The following EDARADD variants were observed in gnomAD, a reference collection of about 807,000 sequenced individuals.
EDARADD encodes the protein ectodysplasin-A receptor-associated adapter protein.
Under a neutral mutation model 25.6 loss-of-function variants are expected in EDARADD, and 20 were observed. That is an observed-to-expected ratio of 0.78 (90% CI 0.55 to 1.14). EDARADD has a LOEUF of 1.14. Ranked by LOEUF, EDARADD falls within the 50% of genes most tolerant of loss-of-function variation. EDARADD has a pLI of 0.00. For synonymous variants in EDARADD, 86 were observed against 94.4 expected, an observed-to-expected ratio of 0.91 and a Z score of 0.52; for missense variants, 225 against 270.1, an observed-to-expected ratio of 0.83 and a Z score of 1.17.
intron 1 of EDARADD, among the ~76,000 whole-genome samples, chr1:236,407,252 C>T (rs1411947106): frequency 3.3e-5 from 5 of 152,136 alleles, no homozygotes; most frequent in African/African-American, 9.7e-5. Context: ...GGTGCTGGGC[C>T]GCGGTCCCCG....
intron 3 of EDARADD, among the ~76,000 whole-genome samples, chr1:236,415,670 C>T (rs547909818): frequency 4.6e-5 from 7 of 152,284 alleles, no homozygotes; most frequent in African/African-American, 1.7e-4. Flanking sequence ...GTCTTGAACT[C>T]CTGACCTCAG....
chr1:236,484,649 A>C lies in EDARADD; in HGVS notation c.*2000A>C. 1 of 462,240 alleles carries C rather than the reference A, an allele frequency of 2.2e-6. No individual in the cohort carries two copies. Among genetic ancestry groups the C allele is most frequent in the East Asian group, 4.3e-5 (1 of 23,178 alleles). The allele number at this position is 462,240 out of a possible 1,614,324, so 28.6% of individuals were successfully genotyped here. Reference sequence around the variant, plus strand: ...TAGAACTTCTACAGAAGCAGGTTGCAGTGAGCCGAGATTGCGCCACTGCAC... The same window carrying C: ...TAGAACTTCTACAGAAGCAGGTTGCCGTGAGCCGAGATTGCGCCACTGCAC... On this transcript the variant is annotated 3_prime_UTR_variant, in exon 6 of 6. Coordinates refer to ENST00000334232, the MANE Select transcript of EDARADD (RefSeq NM_145861.4). The surrounding 1 kb of genome is among the most constrained non-coding windows in gnomAD (Gnocchi z 4.1).
intron 3 of EDARADD, among the ~76,000 whole-genome samples, chr1:236,356,506 G>A (rs1666977178): frequency 6.6e-6 from 1 of 152,144 alleles, no homozygotes; most frequent in Non-Finnish European, 1.5e-5. Flanking sequence ...GGACCTTTCT[G>A]CAAGGGGCCT....
intron 3 of EDARADD, among the ~76,000 whole-genome samples, chr1:236,353,653 G>A (rs1666943771): frequency 7.0e-6 from 1 of 143,184 alleles, no homozygotes; most frequent in South Asian, 2.2e-4. Flanking sequence ...ACTTCAGCCT[G>A]GGCAACAGAG....
At position 236,360,164 on chromosome 1, in the gene EDARADD, A is replaced by T. The variant is rs555591463; in HGVS notation, c.-6+9325A>T. Among the ~76,000 whole-genome samples the T allele has an allele frequency of 1.4e-4, 21 of 151,694 alleles. 1 individual carries two copies. Among genetic ancestry groups the T allele is most frequent in the East Asian group, 1.4e-3 (7 of 5,156 alleles). On this transcript the variant is annotated intron_variant, in intron 3 of 7. Coordinates refer to the EDARADD transcript ENST00000439430. ...AGCTTGTCTCTAAAAAAGAAAAATT[A>T]AAAAAAAATTAGTTAGATGTGGTGG... is the stretch of plus-strand genomic sequence containing the variant.
At chr1:236,404,653 ATTAGCTGGGCATGGT>A (rs1329507548) in intron 1 of EDARADD, among the ~76,000 whole-genome samples, 5 of 152,156 alleles carry the variant, frequency 3.3e-5, no homozygotes, top group Non-Finnish European at 5.9e-5. Flanking sequence ...TCCCCCATAC[ATTAGCTGGGCATGGT>A]GACGCATGTC....
intron 3 of EDARADD, among the ~76,000 whole-genome samples, chr1:236,371,711 A>G (rs1667173275): frequency 6.6e-6 from 1 of 151,674 alleles, no homozygotes; most frequent in African/African-American, 2.4e-5. Context: ...CTGGGATTAC[A>G]GGAGCCTGCC....
chr1:236,483,470 T>A lies in EDARADD; in HGVS notation c.*821T>A. The A allele has an allele frequency of 9.7e-7, 1 of 1,035,164 alleles. No individual in the cohort carries two copies. The highest frequency in any genetic ancestry group is 1.5e-6 in the Non-Finnish European group (1 of 654,728). The allele number at this position is 1,035,164 out of a possible 1,614,324, so 64.1% of individuals were successfully genotyped here. ...TGATAGAGATGGATGGAACAGAAAA[T>A]AAATCTAAATTTGGTGCAAATGCCA... On this transcript the variant is annotated 3_prime_UTR_variant, in exon 6 of 6. Coordinates refer to ENST00000334232, the MANE Select transcript of EDARADD (RefSeq NM_145861.4).
In EDARADD at chr1:236,379,820, G is replaced by A. The variant is rs116055268; in HGVS notation, c.-6+28981G>A. 4.6e-3 allele frequency among the ~76,000 whole-genome samples: 701 copies of A among 152,246 alleles called. 5 individuals carry two copies. Among genetic ancestry groups the A allele is most frequent in the African/African-American group, 0.016 (669 of 41,546 alleles). ...AAAATTAAAAAATTAAAAATTGAAT[G>A]CAAATTCTTAATGATCACAAGAGAA... On this transcript the variant is annotated intron_variant, in intron 3 of 7. Transcript: ENST00000439430.
At chr1:236,383,261 G>A (rs897582608) in intron 3 of EDARADD, among the ~76,000 whole-genome samples, 3 of 151,900 alleles carry the variant, frequency 2.0e-5, no homozygotes, top group African/African-American at 7.3e-5. Flanking sequence ...CAGGCATGGT[G>A]GTGCATGCCT....
At chr1:236,368,568 G>T (rs1037778751) in intron 3 of EDARADD, among the ~76,000 whole-genome samples, 1 of 149,860 alleles carries the variant, frequency 6.7e-6, no homozygotes, top group African/African-American at 2.5e-5. Flanking sequence ...AGCCTCCCCA[G>T]CAGCTGGGAT....
chr1:236,419,965 G>A (rs1258302907), intron 3 of EDARADD, among the ~76,000 whole-genome samples: 1 of 152,142 alleles, frequency 6.6e-6, no homozygotes, highest in African/African-American at 2.4e-5. Flanking sequence ...ATTACTCGAG[G>A]CCAGGAGTTC....
chr1:236,403,409 T>C (rs927572545), intron 1 of EDARADD, among the ~76,000 whole-genome samples: 2 of 152,294 alleles, frequency 1.3e-5, no homozygotes, highest in East Asian at 1.9e-4. Context: ...TGCCTCAGCC[T>C]CCTGAGTAGC....
At chr1:236,359,953 T>G (rs1407705251) in intron 3 of EDARADD, among the ~76,000 whole-genome samples, 2 of 152,190 alleles carry the variant, frequency 1.3e-5, no homozygotes, top group Non-Finnish European at 2.9e-5. Context: ...ACAAGTGGGC[T>G]AAGACAACTA....
intron 5 of EDARADD, among the ~76,000 whole-genome samples, chr1:236,479,032 G>A (rs1659590555): frequency 6.6e-6 from 1 of 152,120 alleles, no homozygotes. Context: ...GTGGGAAGGG[G>A]GTGAAGGATA....
At chr1:236,470,054 T>C (rs1659318131) in intron 5 of EDARADD, among the ~76,000 whole-genome samples, 1 of 151,872 alleles carries the variant, frequency 6.6e-6, no homozygotes, top group African/African-American at 2.4e-5. Flanking sequence ...ACCTCAGCCA[T>C]CCAAAGTGCT....
At position 236,483,932 on chromosome 1, in the gene EDARADD, G is replaced by C; in HGVS notation, c.*1283G>C. ...CCTCCGAGTTCTTCAGGTCTGGAAA[G>C]TATGACCTGGAATTCAAGTTTCTCG... is the stretch of plus-strand genomic sequence containing the variant. On this transcript the variant is annotated 3_prime_UTR_variant, in exon 6 of 6. Coordinates refer to ENST00000334232, the MANE Select transcript of EDARADD (RefSeq NM_145861.4). 7.3e-7 allele frequency: 1 copy of C among 1,372,886 alleles called. No homozygotes were observed. 85.0% of individuals were successfully genotyped at this position (1,372,886 alleles called of 1,614,324 possible).
intron 3 of EDARADD, among the ~76,000 whole-genome samples, chr1:236,386,952 C>G (rs1380522798): frequency 1.4e-5 from 1 of 72,534 alleles, no homozygotes; most frequent in African/African-American, 4.6e-5. Flanking sequence ...GGCCAGCCGC[C>G]CCGTCCGGGA....
rs184751327 is a variant in EDARADD at position 236,407,429 on chromosome 1, G to A, written c.62-1787G>A. Among the ~76,000 whole-genome samples, 13 of 152,280 alleles carry A rather than the reference G, an allele frequency of 8.5e-5. No individual in the cohort carries two copies. In the East Asian group the frequency reaches 9.6e-4, roughly 11 times the overall value. On this transcript the variant is annotated intron_variant, in intron 1 of 5. Transcript: ENST00000334232. ...TAAAACAAAGAGATGTTGCCTTCTCGAAACTTCTTTGGGCATTATCAACAC... is the reference window on the plus strand; with the variant it reads ...TAAAACAAAGAGATGTTGCCTTCTCAAAACTTCTTTGGGCATTATCAACAC...
Sources: gnomAD v4.1 joint callset for allele counts (sites outside exome capture counted in the v4.1 genomes callset) on GRCh38, gnomAD v4.1.1 for gene constraint, Gnocchi (gnomAD v3.1) non-coding constraint, MANE v1.5 for transcripts, NCBI Gene and HGNC (gene_info 2026-07-23, HGNC 2026-07-21) for gene names.